Variants in BCL2L1 observed in about 807,000 individuals in gnomAD.
The protein encoded by BCL2L1 is BCL2 like 1.
BCL2L1 carries 1 observed loss-of-function variant against 18.7 expected under a neutral mutation model. The observed-to-expected ratio is 0.05, with a 90% CI of 0.02 to 0.25. BCL2L1 has a LOEUF of 0.25. Ranked by LOEUF, BCL2L1 falls within the 10% of genes least tolerant of loss-of-function variation. The pLI, the probability that BCL2L1 is intolerant of heterozygous loss-of-function variation, is 1.00. For synonymous variants in BCL2L1, 103 were observed against 122.7 expected (o/e 0.84, Z 1.06); for missense variants, 207 against 304.9 (o/e 0.68, Z 2.39).
chr20:31,681,458 G>C (rs2060859559), intron 2 of BCL2L1, among the ~76,000 whole-genome samples: 1 of 152,106 alleles, frequency 6.6e-6, no homozygotes, highest in African/African-American at 2.4e-5. Context: ...GACCAGTCTG[G>C]GCAACATGGG....
intron 2 of BCL2L1, among the ~76,000 whole-genome samples, chr20:31,695,232 C>T (rs142277621): frequency 4.3e-4 from 65 of 152,330 alleles, no homozygotes; most frequent in African/African-American, 1.5e-3. Context: ...CCCGCTCTTA[C>T]CCATAGAGTT....
At chr20:31,691,386 T>C (rs2061071716) in intron 2 of BCL2L1, among the ~76,000 whole-genome samples, 1 of 149,470 alleles carries the variant, frequency 6.7e-6, no homozygotes, top group African/African-American at 2.5e-5. Context: ...TGGTAGTGCA[T>C]GCCTGTAATT....
At chr20:31,721,461 T>G in intron 2 of BCL2L1, 194 bp downstream of exon 2, 1 of 639,282 alleles carries the variant, frequency 1.6e-6, no homozygotes, top group Non-Finnish European at 2.6e-6. Context: ...AGATGCCTGA[T>G]CTCTGAAGCA....
chr20:31,685,000 T>C (rs2060930267), intron 2 of BCL2L1, among the ~76,000 whole-genome samples: 1 of 152,218 alleles, frequency 6.6e-6, no homozygotes, highest in Non-Finnish European at 1.5e-5. Context: ...CTAAATTTAC[T>C]GGCTCTGGGG....
At chr20:31,701,828 A>C (rs1364692456) in intron 2 of BCL2L1, among the ~76,000 whole-genome samples, 1 of 152,218 alleles carries the variant, frequency 6.6e-6, no homozygotes, top group African/African-American at 2.4e-5. Context: ...TTCATGTCTT[A>C]GGTTTTGTTC....
chr20:31,681,094 G>A (rs2060852368), intron 2 of BCL2L1, among the ~76,000 whole-genome samples: 1 of 152,254 alleles, frequency 6.6e-6, no homozygotes, highest in African/African-American at 2.4e-5. Context: ...TGGTGGTGAT[G>A]AGATCTGGAG....
intron 2 of BCL2L1, among the ~76,000 whole-genome samples, chr20:31,703,158 C>T (rs918558635): frequency 6.6e-6 from 1 of 151,590 alleles, no homozygotes; most frequent in Non-Finnish European, 1.5e-5. Flanking sequence ...GATTCTCCTG[C>T]CTCAGCCTCC....
At chr20:31,695,570 C>CATCT (rs1240185249) in intron 2 of BCL2L1, among the ~76,000 whole-genome samples, 2 of 152,154 alleles carry the variant, frequency 1.3e-5, no homozygotes, top group African/African-American at 2.4e-5. Context: ...GGATTTAAGC[C>CATCT]ATCTTCCTGC....
chr20:31,672,501 A>C (rs572247244), intron 2 of BCL2L1, among the ~76,000 whole-genome samples: 1 of 151,372 alleles, frequency 6.6e-6, no homozygotes, highest in Admixed American at 6.6e-5. Context: ...AGAGGTAATA[A>C]GTGCAAAGGC....
chr20:31,687,774 G>C (rs926140605), intron 2 of BCL2L1, among the ~76,000 whole-genome samples: 5 of 152,022 alleles, frequency 3.3e-5, no homozygotes, highest in Non-Finnish European at 7.4e-5. Flanking sequence ...AGACATATGT[G>C]GGTTCCTCAT....
chr20:31,677,646 C>T (rs1385396157), intron 2 of BCL2L1, among the ~76,000 whole-genome samples: 2 of 152,142 alleles, frequency 1.3e-5, no homozygotes, highest in African/African-American at 4.8e-5. Flanking sequence ...TTCTCTATGG[C>T]TTACAAGGGC....
At chr20:31,689,977 T>TA (rs2061034175) in intron 2 of BCL2L1, among the ~76,000 whole-genome samples, 1 of 152,186 alleles carries the variant, frequency 6.6e-6, no homozygotes, top group African/African-American at 2.4e-5. Flanking sequence ...GAGATCGCGC[T>TA]ATTGCACTCC....
chr20:31,696,168 T>G (rs2061166194), intron 2 of BCL2L1, among the ~76,000 whole-genome samples: 1 of 152,178 alleles, frequency 6.6e-6, no homozygotes, highest in East Asian at 1.9e-4. Context: ...AGACTGTATG[T>G]CCAACCTTTA....
At chr20:31,674,096 T>G (rs2060718164) in intron 2 of BCL2L1, among the ~76,000 whole-genome samples, 1 of 152,214 alleles carries the variant, frequency 6.6e-6, no homozygotes, top group Admixed American at 6.5e-5. Context: ...CCATTCTTTT[T>G]CTTTTAATCT....
chr20:31,674,822 C>T (rs1293243929), intron 2 of BCL2L1, among the ~76,000 whole-genome samples: 1 of 145,702 alleles, frequency 6.9e-6, no homozygotes, highest in East Asian at 2.0e-4. Context: ...CTGCAGTGAG[C>T]TGTGACAGCA....
chr20:31,723,628 C>G, upstream of BCL2L1: 1 of 985,550 alleles, frequency 1.0e-6, no homozygotes, highest in Non-Finnish European at 1.2e-6. Flanking sequence ...CCCCGGCGGT[C>G]CGCCCCAGCG....
intron 2 of BCL2L1, among the ~76,000 whole-genome samples, chr20:31,689,278 C>A (rs55693547): frequency 4.2e-4 from 1 of 2,384 alleles, no homozygotes; most frequent in African/African-American, 2.7e-3. Flanking sequence ...AGGGGGAGGG[C>A]AGGGGAGGGG....
At chr20:31,685,260 C>A (rs2060935679) in intron 2 of BCL2L1, among the ~76,000 whole-genome samples, 1 of 151,970 alleles carries the variant, frequency 6.6e-6, no homozygotes, top group Non-Finnish European at 1.5e-5. Flanking sequence ...ATTAGCCAGG[C>A]GTGGTGGCGG....
At chr20:31,695,836 C>T (rs530506378) in intron 2 of BCL2L1, among the ~76,000 whole-genome samples, 76 of 152,312 alleles carry the variant, frequency 5.0e-4, no homozygotes, top group African/African-American at 1.8e-3. Flanking sequence ...GCATTCAGAT[C>T]CAATGTCACT....
Sources: allele counts gnomAD v4.1 joint callset (sites outside exome capture counted in the v4.1 genomes callset), GRCh38; gene constraint gnomAD v4.1.1; transcripts MANE v1.5; gene names NCBI Gene and HGNC (gene_info 2026-07-23, HGNC 2026-07-21).